The following EPHA5 variants were observed in gnomAD, a reference collection of about 807,000 sequenced individuals.
The protein encoded by EPHA5 is ephrin type-A receptor 5.
EPHA5 carries 60 observed loss-of-function variants against 105.0 expected under a neutral mutation model. The observed-to-expected ratio is 0.57, with a 90% CI of 0.46 to 0.71. EPHA5 has a LOEUF of 0.71. Among genes scored for constraint, EPHA5 ranks in the 30% least tolerant of loss-of-function variants. The pLI is 0.00. For synonymous variants in EPHA5, 513 were observed against 449.1 expected (o/e 1.14, Z -1.80); for missense variants, 1,218 against 1,274.7 (o/e 0.96, Z 0.68).
Position 65,669,763 on chromosome 4 carries a change from T to G in EPHA5, c.-21A>C, listed in dbSNP as rs1430569608. 2 of 1,252,028 alleles carry G rather than the reference T, an allele frequency of 1.6e-6. No individual in the cohort carries two copies. Among genetic ancestry groups the G allele is most frequent in the Non-Finnish European group, 2.0e-6 (2 of 998,042 alleles). 77.6% of individuals were successfully genotyped at this position (1,252,028 alleles called of 1,614,324 possible). On this transcript the variant is annotated 5_prime_UTR_variant, in exon 1 of 17. Transcript: ENST00000613740. ...CGCATCTTCTCCGAGCCTCCTCCGG[T>G]GCCGCTGTCCCGAGCGGCTCAGTCC...
At chr4:65,613,669 C>T (rs1370714582) in intron 2 of EPHA5, among the ~76,000 whole-genome samples, 1 of 151,920 alleles carries the variant, frequency 6.6e-6, no homozygotes, top group Admixed American at 6.6e-5. Context: ...ATGTCTATTG[C>T]AAATTCCTCC....
intron 2 of EPHA5, among the ~76,000 whole-genome samples, chr4:65,637,704 CTG>C (rs1219756674): frequency 6.6e-6 from 1 of 151,148 alleles, no homozygotes; most frequent in Non-Finnish European, 1.5e-5. Flanking sequence ...ACTGCCAACA[CTG>C]TGTCAAGTTC....
At chr4:65,514,919 C>T (rs567625714) in intron 3 of EPHA5, among the ~76,000 whole-genome samples, 7 of 152,244 alleles carry the variant, frequency 4.6e-5, no homozygotes, top group Non-Finnish European at 8.8e-5. Flanking sequence ...TATCCCTTTC[C>T]TACCTCAGCC....
chr4:65,484,076 C>T (rs1049661478), intron 5 of EPHA5, among the ~76,000 whole-genome samples: 9 of 152,038 alleles, frequency 5.9e-5, no homozygotes, highest in African/African-American at 2.2e-4. Flanking sequence ...GGTTTCTCCA[C>T]TAAAGAGAAT....
At chr4:65,557,258 A>ATATATATATATATATATATG (rs1297322719) in intron 3 of EPHA5, among the ~76,000 whole-genome samples, 22 of 145,112 alleles carry the variant, frequency 1.5e-4, no homozygotes, top group African/African-American at 5.0e-4. Flanking sequence ...ATATATATAT[A>ATATATATATATATATATATG]TTCTCACACT....
At chr4:65,659,319 GAAAAAAAAAAAAAAAAAAAAAAAAAAA>G (rs5858980) in intron 1 of EPHA5, among the ~76,000 whole-genome samples, 1 of 71,602 alleles carries the variant, frequency 1.4e-5, no homozygotes, top group African/African-American at 5.3e-5. Flanking sequence ...TAGAGTAACA[GAAAAAAAAAAAAAAAAAAAAAAAAAAA>G]AAAAAAAAAA....
At chr4:65,651,446 G>A (rs563270412) in intron 1 of EPHA5, among the ~76,000 whole-genome samples, 1 of 152,278 alleles carries the variant, frequency 6.6e-6, no homozygotes, top group East Asian at 1.9e-4. Flanking sequence ...CCGTTCCAGT[G>A]TCTATTCTCC....
intron 5 of EPHA5, among the ~76,000 whole-genome samples, chr4:65,470,279 G>C (rs1477371763): frequency 2.0e-5 from 3 of 150,868 alleles, no homozygotes; most frequent in Admixed American, 6.6e-5. Context: ...TGCAACCTCT[G>C]CCTCCAGGTT....
intron 3 of EPHA5, among the ~76,000 whole-genome samples, chr4:65,576,090 AAAGAAAAGAAAAGAAAAG>A (rs1331904596): frequency 9.2e-6 from 1 of 108,992 alleles, no homozygotes; most frequent in South Asian, 3.2e-4. Flanking sequence ...AAAGAAAAGA[AAAGAAAAGAAAAGAAAAG>A]AAAAGAAAAA....
At chr4:65,637,756 G>A (rs1747278050) in intron 2 of EPHA5, among the ~76,000 whole-genome samples, 1 of 151,694 alleles carries the variant, frequency 6.6e-6, no homozygotes, top group South Asian at 2.1e-4. Flanking sequence ...TCAGAAAACT[G>A]TAAGTAATTT....
intron 3 of EPHA5, among the ~76,000 whole-genome samples, chr4:65,568,515 T>G (rs1282783676): frequency 1.3e-5 from 2 of 151,256 alleles, no homozygotes; most frequent in African/African-American, 4.8e-5. Context: ...ATTAAAAATT[T>G]TTATTAATAA....
intron 9 of EPHA5, among the ~76,000 whole-genome samples, 159 bp from the exon 10 acceptor site, chr4:65,366,216 A>G (rs1186942019): frequency 6.6e-6 from 1 of 151,822 alleles, no homozygotes; most frequent in East Asian, 1.9e-4. Context: ...TTGTACAACT[A>G]TATCAGTTTT....
At chr4:65,607,839 T>C (rs1744384629) in intron 2 of EPHA5, among the ~76,000 whole-genome samples, 1 of 152,124 alleles carries the variant, frequency 6.6e-6, no homozygotes, top group East Asian at 1.9e-4. Context: ...TGGGTATATA[T>C]CCAAAGGATT....
intron 6 of EPHA5, 24 bp downstream of exon 6, chr4:65,420,417 C>CA (rs1480422529): frequency 1.3e-6 from 2 of 1,527,404 alleles, no homozygotes; most frequent in East Asian, 2.4e-5. Context: ...AAAGTGAGGA[C>CA]ATTTTTTATT....
At chr4:65,381,021 G>T (rs1719508807) in intron 8 of EPHA5, among the ~76,000 whole-genome samples, 1 of 151,654 alleles carries the variant, frequency 6.6e-6, no homozygotes, top group South Asian at 2.1e-4. Flanking sequence ...ACCACACAGG[G>T]TTGCTTTGAA....
At chr4:65,584,026 C>G (rs1485037778) in intron 3 of EPHA5, among the ~76,000 whole-genome samples, 1 of 151,250 alleles carries the variant, frequency 6.6e-6, no homozygotes, top group Non-Finnish European at 1.5e-5. Context: ...ATTTTAATAA[C>G]CAATTTGAAA....
chr4:65,333,516 C>G (rs7687268), intron 15 of EPHA5, among the ~76,000 whole-genome samples: 1 of 145,286 alleles, frequency 6.9e-6, no homozygotes, highest in Non-Finnish European at 1.5e-5. Flanking sequence ...CAATTGTGTG[C>G]GTGTGCGTGT....
At chr4:65,536,550 T>C (rs1736307179) in intron 3 of EPHA5, among the ~76,000 whole-genome samples, 1 of 151,848 alleles carries the variant, frequency 6.6e-6, no homozygotes, top group Non-Finnish European at 1.5e-5. Flanking sequence ...TTTACAGTAC[T>C]CCTTCAGACA....
At chr4:65,644,336 C>T (rs1263107469) in intron 1 of EPHA5, among the ~76,000 whole-genome samples, 1 of 151,972 alleles carries the variant, frequency 6.6e-6, no homozygotes, top group East Asian at 1.9e-4. Context: ...AGCCCTGGAT[C>T]ACAGATCATT....
Sources: allele counts gnomAD v4.1 joint callset (sites outside exome capture counted in the v4.1 genomes callset), GRCh38; gene constraint gnomAD v4.1.1; transcripts MANE v1.5; gene names NCBI Gene and HGNC (gene_info 2026-07-23, HGNC 2026-07-21).